The following BTRC variants were observed in gnomAD, a reference collection of about 807,000 sequenced individuals.
BTRC encodes F-box/WD repeat-containing protein 1A.
BTRC carries 42 observed loss-of-function variants against 85.5 expected under a neutral mutation model. The ratio of observed to expected loss-of-function variants is 0.49; its 90% CI spans 0.38 to 0.64. The LOEUF (loss-of-function observed/expected upper bound fraction) is 0.64. Ranked by LOEUF, BTRC falls within the 30% of genes least tolerant of loss-of-function variation. The pLI, the probability that BTRC is intolerant of heterozygous loss-of-function variation, is 0.00. For synonymous variants in BTRC, 255 were observed against 263.3 expected, an observed-to-expected ratio of 0.97 and a Z score of 0.30; for missense variants, 594 against 743.5, an observed-to-expected ratio of 0.80 and a Z score of 2.34.
intron 4 of BTRC, among the ~76,000 whole-genome samples, chr10:101,496,080 TATA>T (rs1194407424): frequency 6.6e-6 from 1 of 152,142 alleles, no homozygotes; most frequent in East Asian, 1.9e-4. Flanking sequence ...TATGTATAGT[TATA>T]ATTTGTTATT....
chr10:101,387,071 A>C (rs1298534760), intron 1 of BTRC, among the ~76,000 whole-genome samples: 2 of 152,122 alleles, frequency 1.3e-5, no homozygotes, highest in African/African-American at 4.8e-5. Context: ...CTCCCTCATA[A>C]ATCATGTCAT....
At chr10:101,363,783 G>T (rs186206598) in intron 1 of BTRC, among the ~76,000 whole-genome samples, 1 of 152,310 alleles carries the variant, frequency 6.6e-6, no homozygotes, top group Admixed American at 6.5e-5. Flanking sequence ...TCTCTCTGAG[G>T]TAGGCAGTCA....
chr10:101,507,429 G>A (rs1204728566), intron 4 of BTRC, among the ~76,000 whole-genome samples: 1 of 152,154 alleles, frequency 6.6e-6, no homozygotes, highest in Non-Finnish European at 1.5e-5. Context: ...CACGATAAAG[G>A]CTCTGTGCCG....
rs1942278282 is a variant in BTRC at position 101,363,586 on chromosome 10, G to A, written c.48+9358G>A. ...TGATTCTCCTGCCTCAGCCTCCCGA[G>A]TAGCTGGGACTACAGGTGTGCACCA... On this transcript the variant is annotated intron_variant, in intron 1 of 14. Coordinates refer to ENST00000370187, the MANE Select transcript of BTRC (RefSeq NM_033637.4). 2.0e-5 allele frequency among the ~76,000 whole-genome samples: 3 copies of A among 152,096 alleles called. No individual in the cohort carries two copies. The South Asian group carries it at 6.2e-4, about 32-fold the overall frequency.
At chr10:101,383,833 A>G (rs1942998984) in intron 1 of BTRC, among the ~76,000 whole-genome samples, 1 of 152,206 alleles carries the variant, frequency 6.6e-6, no homozygotes, top group Non-Finnish European at 1.5e-5. Context: ...GCTAATTCAA[A>G]ATTATCTATG....
chr10:101,414,928 A>C (rs896590468), intron 1 of BTRC, among the ~76,000 whole-genome samples: 1 of 152,160 alleles, frequency 6.6e-6, no homozygotes, highest in Admixed American at 6.5e-5. Context: ...AAAAATTTAT[A>C]AAGTGAAAAA....
intron 4 of BTRC, among the ~76,000 whole-genome samples, chr10:101,489,539 C>T (rs568618932): frequency 6.6e-6 from 1 of 152,124 alleles, no homozygotes; most frequent in African/African-American, 2.4e-5. Flanking sequence ...GTAAAAAGAT[C>T]GCTTACAAAG....
intron 1 of BTRC, among the ~76,000 whole-genome samples, chr10:101,407,688 C>A (rs760962629): frequency 2.0e-5 from 3 of 151,414 alleles, no homozygotes; most frequent in Admixed American, 6.6e-5. Context: ...CTGTGCCCAG[C>A]CTAACACAGT....
intron 5 of BTRC, among the ~76,000 whole-genome samples, chr10:101,523,189 G>GCT (rs2062144507): frequency 6.6e-6 from 1 of 152,030 alleles, no homozygotes. Flanking sequence ...GGGCGACAGG[G>GCT]CGAGACTCCA....
At chr10:101,500,813 A>G (rs1032241106) in intron 4 of BTRC, among the ~76,000 whole-genome samples, 1 of 152,226 alleles carries the variant, frequency 6.6e-6, no homozygotes, top group Non-Finnish European at 1.5e-5. Context: ...CTTTGCATTA[A>G]AAATTCAATT....
intron 1 of BTRC, among the ~76,000 whole-genome samples, chr10:101,418,945 C>G (rs1192567560): frequency 6.6e-6 from 1 of 151,976 alleles, no homozygotes; most frequent in Non-Finnish European, 1.5e-5. Context: ...TTGTCTCAAT[C>G]AAGCTAATTA....
intron 4 of BTRC, among the ~76,000 whole-genome samples, chr10:101,486,296 T>C (rs938906710): frequency 6.6e-6 from 1 of 151,716 alleles, no homozygotes; most frequent in Non-Finnish European, 1.5e-5. Context: ...TCGGCAAGAG[T>C]CCGCATAAAT....
Position 101,533,077 on chromosome 10 carries a change from A to C in BTRC, c.1097+7A>C. 6.3e-7 allele frequency: 1 copy of C among 1,588,408 alleles called. No individual in the cohort carries two copies. Among genetic ancestry groups the C allele is most frequent in the Non-Finnish European group, 8.6e-7 (1 of 1,157,054 alleles). ...CATCGGATTCCACGGTCAGGTAGAA[A>C]ATTTCAAATGCTTTTTTGAACTCTG... On this transcript the variant is annotated splice_region_variant and intron_variant, in intron 9 of 14. Transcript: ENST00000370187.
chr10:101,424,119 A>G (rs1944182961), intron 1 of BTRC, among the ~76,000 whole-genome samples: 1 of 152,110 alleles, frequency 6.6e-6, no homozygotes, highest in African/African-American at 2.4e-5. Context: ...CGGCAGTCCC[A>G]GCTACTCAGG....
intron 14 of BTRC, among the ~76,000 whole-genome samples, chr10:101,551,906 G>A (rs1242994507): frequency 1.3e-5 from 2 of 152,214 alleles, no homozygotes; most frequent in African/African-American, 4.8e-5. Context: ...TGAAGGCTGT[G>A]TGGAGATACT....
At chr10:101,495,098 A>G (rs895843922) in intron 4 of BTRC, among the ~76,000 whole-genome samples, 1 of 152,196 alleles carries the variant, frequency 6.6e-6, no homozygotes, top group African/African-American at 2.4e-5. Flanking sequence ...CCTCTACCAA[A>G]GAGCAGGGTT....
chr10:101,383,149 G>A (rs1468744439), intron 1 of BTRC, among the ~76,000 whole-genome samples: 1 of 139,168 alleles, frequency 7.2e-6, no homozygotes, highest in Non-Finnish European at 1.5e-5. Context: ...TTGCAGCCTT[G>A]ACCTCCCAGG....
chr10:101,449,765 C>G (rs1385930848), intron 2 of BTRC, among the ~76,000 whole-genome samples: 1 of 151,446 alleles, frequency 6.6e-6, no homozygotes, highest in Non-Finnish European at 1.5e-5. Context: ...GCGTATTTCT[C>G]TACTTTGTAC....
chr10:101,507,675 G>C (rs1946576517), intron 4 of BTRC, among the ~76,000 whole-genome samples: 1 of 152,086 alleles, frequency 6.6e-6, no homozygotes, highest in Non-Finnish European at 1.5e-5. Flanking sequence ...AAGGATGTTG[G>C]AATAATTCAT....
Sources: allele counts gnomAD v4.1 joint callset (sites outside exome capture counted in the v4.1 genomes callset), GRCh38; gene constraint gnomAD v4.1.1; transcripts MANE v1.5; gene names NCBI Gene and HGNC (gene_info 2026-07-23, HGNC 2026-07-21).